The following HSF1 variants were observed in gnomAD, a reference collection of about 807,000 sequenced individuals.
HSF1 encodes the protein heat shock factor protein 1.
In HSF1, 32 loss-of-function variants were observed where a neutral mutation model predicts 51.7. That is an observed-to-expected ratio of 0.62 (90% CI 0.47 to 0.83). HSF1 has a LOEUF of 0.83. HSF1 is among the 40% of genes least tolerant of loss of function. The pLI is 0.00. For synonymous variants in HSF1, 396 were observed against 309.7 expected, an observed-to-expected ratio of 1.28 and a Z score of -2.92; for missense variants, 727 against 717.0, an observed-to-expected ratio of 1.01 and a Z score of -0.16.
chr8:144,300,436 C>T (rs1002154027), intron 1 of HSF1, among the ~76,000 whole-genome samples: 1 of 152,070 alleles, frequency 6.6e-6, no homozygotes, highest in Non-Finnish European at 1.5e-5. Flanking sequence ...CCAGGATGGT[C>T]TCAATCTCCT....
intron 1 of HSF1, among the ~76,000 whole-genome samples, chr8:144,296,375 AC>A (rs1554841288): frequency 1.3e-5 from 2 of 152,142 alleles, no homozygotes; most frequent in Non-Finnish European, 2.9e-5. Flanking sequence ...CACTGGCCCC[AC>A]CCTGGAAGAT....
chr8:144,306,917 C>CTGTGTG (rs530083499), intron 1 of HSF1, among the ~76,000 whole-genome samples: 3 of 150,040 alleles, frequency 2.0e-5, no homozygotes, highest in African/African-American at 7.3e-5. Context: ...TTTCCGGGGG[C>CTGTGTG]TGTGTGTGTG....
chr8:144,304,699 G>C lies in HSF1; in HGVS notation c.118-4207G>C, dbSNP rs1816101486. Among the ~76,000 whole-genome samples, 2 of 151,704 alleles carry C rather than the reference G, an allele frequency of 1.3e-5. 1 individual carries two copies. Among genetic ancestry groups the C allele is most frequent in the South Asian group, 4.2e-4 (2 of 4,806 alleles). ...TCTCGCTCTGTCACCCAGGCTAGAGGGCAGTGGCACGATCTGTGCTCACTA... is the reference window on the plus strand; with the variant it reads ...TCTCGCTCTGTCACCCAGGCTAGAGCGCAGTGGCACGATCTGTGCTCACTA... On this transcript the variant is annotated intron_variant, in intron 1 of 12. Coordinates refer to ENST00000528838, the MANE Select transcript of HSF1 (RefSeq NM_005526.4).
chr8:144,306,450 C>T (rs1395130578), intron 1 of HSF1, among the ~76,000 whole-genome samples: 1 of 152,040 alleles, frequency 6.6e-6, no homozygotes, highest in Non-Finnish European at 1.5e-5. Context: ...GCAGCCTTCA[C>T]CTCCGGAGCT....
chr8:144,302,961 G>A (rs570940571), intron 1 of HSF1, among the ~76,000 whole-genome samples: 6 of 152,192 alleles, frequency 3.9e-5, no homozygotes, highest in South Asian at 4.3e-4. Flanking sequence ...CAGCGACAGC[G>A]ACTAGAACAG....
intron 1 of HSF1, among the ~76,000 whole-genome samples, chr8:144,301,485 AG>A (rs1441293236): frequency 6.6e-6 from 1 of 152,190 alleles, no homozygotes; most frequent in Non-Finnish European, 1.5e-5. Context: ...CAAGAATATC[AG>A]TCTTAAGCAG....
Position 144,311,785 on chromosome 8 carries a change from A to C in HSF1, c.809A>C (p.Glu270Ala), listed in dbSNP as rs1816681514. The C allele has an allele frequency of 6.2e-7, 1 of 1,612,302 alleles. No individual in the cohort carries two copies. The highest frequency in any genetic ancestry group is 1.3e-5 in the African/African-American group (1 of 74,842). ...SSGPIISDITELAPASPMASP... is the reference protein window; with the variant it reads ...SSGPIISDITALAPASPMASP... ...GGACCCATCATCTCCGACATCACCG[A>C]GCTGGCTCCTGCCAGCCCCATGGCC... Residue 270 changes from glutamate (E) to alanine (A), a missense_variant, in exon 8 of 13, where the codon GAG becomes GCG. Glu to Ala is a moderately radical substitution (Grantham distance 107). Around this residue, in one of 2 missense-constraint regions of HSF1, gnomAD observed 470 missense variants for 398.8 expected, o/e 1.18. Transcript: ENST00000528838.
intron 1 of HSF1, among the ~76,000 whole-genome samples, chr8:144,298,622 A>G (rs1301617684): frequency 6.6e-6 from 1 of 151,252 alleles, no homozygotes; most frequent in African/African-American, 2.4e-5. Context: ...GAAAGAAAAG[A>G]AAAAACCGGC....
At chr8:144,298,188 G>A (rs912634322) in intron 1 of HSF1, among the ~76,000 whole-genome samples, 1 of 152,118 alleles carries the variant, frequency 6.6e-6, no homozygotes, top group Non-Finnish European at 1.5e-5. Context: ...TTCTCTGATG[G>A]GTTCACCAGC....
intron 1 of HSF1, chr8:144,293,445 CT>C (rs782156166): frequency 3.9e-3 from 546 of 139,542 alleles, no homozygotes; most frequent in East Asian, 6.5e-3. Flanking sequence ...TTTCTTTTTT[CT>C]TTTTTTTTTT....
chr8:144,294,825 G>A (rs940390370), intron 1 of HSF1, among the ~76,000 whole-genome samples: 2 of 152,294 alleles, frequency 1.3e-5, no homozygotes, highest in Non-Finnish European at 2.9e-5. Flanking sequence ...GGCCTTGAGG[G>A]GACCCAGCAA....
chr8:144,314,353 G>A lies in HSF1; in HGVS notation c.*23G>A, dbSNP rs202020329. The A allele has an allele frequency of 2.6e-6, 4 of 1,532,648 alleles. No homozygotes were observed. The highest frequency in any genetic ancestry group is 2.5e-5 in the East Asian group (1 of 40,534). 94.9% of individuals were successfully genotyped at this position (1,532,648 alleles called of 1,614,324 possible). On this transcript the variant is annotated 3_prime_UTR_variant, in exon 13 of 13. Coordinates refer to ENST00000528838, the MANE Select transcript of HSF1 (RefSeq NM_005526.4). ...TAGAGGCCCCGGAGGAGCTGGGCCA[G>A]CCGCCCACCCCCACCCCCAGTGCAG...
At chr8:144,307,026 G>C (rs1256357863) in intron 1 of HSF1, among the ~76,000 whole-genome samples, 2 of 152,138 alleles carry the variant, frequency 1.3e-5, no homozygotes, top group Non-Finnish European at 2.9e-5. Context: ...AGGTCAGCCA[G>C]AAGTGAGAGC....
At position 144,314,307 on chromosome 8, in the gene HSF1, G is replaced by A. The variant is rs1554846229; in HGVS notation, c.1567G>A (p.Ala523Thr). 2 of 1,550,252 alleles carry A rather than the reference G, an allele frequency of 1.3e-6. No homozygotes were observed. The highest frequency in any genetic ancestry group is 3.9e-5 in the Admixed American group (2 of 51,052). ...SLLTGSEPPK[A>T]KDPTVS ...GCTGACAGGCTCGGAGCCTCCCAAA[G>A]CCAAGGACCCCACTGTCTCCTAGAG... The change falls in exon 13 of 13, where the codon GCC (alanine) becomes ACC (threonine). Residue 523 changes from alanine to threonine, a missense_variant. Ala to Thr is a moderately conservative substitution (Grantham distance 58). Around this residue, in one of 2 missense-constraint regions of HSF1, gnomAD observed 470 missense variants for 398.8 expected, o/e 1.18. Coordinates refer to ENST00000528838, the MANE Select transcript of HSF1 (RefSeq NM_005526.4).
intron 1 of HSF1, among the ~76,000 whole-genome samples, chr8:144,300,374 G>A (rs932240694): frequency 1.3e-5 from 2 of 151,940 alleles, no homozygotes; most frequent in Non-Finnish European, 2.9e-5. Flanking sequence ...CCGCCACCTC[G>A]CCCGGCTAAT....
In HSF1 at chr8:144,297,707, G is replaced by C. The variant is rs782710890; in HGVS notation, c.117+5833G>C. ...AAAGCCTATACTCCCGGGACCCGGA[G>C]AGGGAACAGCCGGCCAGCCGAGCCC... On this transcript the variant is annotated intron_variant, in intron 1 of 12. Transcript: ENST00000528838. The surrounding 1 kb of genome is among the most constrained non-coding windows in gnomAD (Gnocchi z 4.6). Among the ~76,000 whole-genome samples the C allele has an allele frequency of 2.0e-5, 3 of 152,338 alleles. No homozygotes were observed. Among genetic ancestry groups the C allele is most frequent in the Non-Finnish European group, 4.4e-5 (3 of 68,040 alleles).
rs1554846091 is a variant in HSF1, at chr8:144,314,162, C to T, written c.1422C>T (p.Phe474=). The change falls in exon 13 of 13, where the codon TTC becomes TTT. Residue 474 remains phenylalanine (F), a synonymous_variant. Transcript: ENST00000528838. ...TGCACTACACAGCGCAGCCGCTGTTCCTGCTGGACCCCGGCTCCGTGGACA... is the reference window on the plus strand; with the variant it reads ...TGCACTACACAGCGCAGCCGCTGTTTCTGCTGGACCCCGGCTCCGTGGACA... ...QLVHYTAQPL[F]LLDPGSVDTG... is the part of the protein sequence containing the mutation. The T allele has an allele frequency of 2.0e-6, 3 of 1,517,216 alleles. No individual in the cohort carries two copies. Among genetic ancestry groups the T allele is most frequent in the South Asian group, 2.4e-5 (2 of 83,246 alleles). The allele number at this position is 1,517,216 out of a possible 1,614,324, so 94.0% of individuals were successfully genotyped here. A position where few individuals can be genotyped will look rare whatever the true frequency, so the allele number is the denominator to read the frequency against.
rs572725011 is a variant in HSF1, at chr8:144,291,605, G to A, written c.-153G>A. 118 of 328,228 alleles carry A rather than the reference G, an allele frequency of 3.6e-4. No individual in the cohort carries two copies. The highest frequency in any genetic ancestry group is 5.3e-4 in the Non-Finnish European group (108 of 203,360). The allele number at this position is 328,228 out of a possible 1,614,324, so 20.3% of individuals were successfully genotyped here. A position where few individuals can be genotyped will look rare whatever the true frequency, so the allele number is the denominator to read the frequency against. On this transcript the variant is annotated 5_prime_UTR_variant, in exon 1 of 13. Coordinates refer to ENST00000528838, the MANE Select transcript of HSF1 (RefSeq NM_005526.4). The surrounding 1 kb of genome is among the most constrained non-coding windows in gnomAD (Gnocchi z 4.1). ...CAGCGGCGGCGGCGGGAGCGCGCCCGTTGCAAGATGGCGGCGGCCATGCTG... is the reference window on the plus strand; with the variant it reads ...CAGCGGCGGCGGCGGGAGCGCGCCCATTGCAAGATGGCGGCGGCCATGCTG...
intron 1 of HSF1, among the ~76,000 whole-genome samples, chr8:144,305,601 G>A (rs997801882): frequency 6.7e-6 from 1 of 148,846 alleles, no homozygotes; most frequent in Non-Finnish European, 1.5e-5. Context: ...GCGCCTGGCC[G>A]GCTCCTCCTT....
Sources: gnomAD v4.1 joint callset for allele counts (sites outside exome capture counted in the v4.1 genomes callset) on GRCh38, gnomAD v4.1.1 for gene constraint, gnomAD v4.1.1 regional missense constraint, Gnocchi (gnomAD v3.1) non-coding constraint, MANE v1.5 for transcripts, NCBI Gene and HGNC (gene_info 2026-07-23, HGNC 2026-07-21) for gene names.